EYS: variants seen among roughly 807,000 people sequenced by gnomAD.
EYS encodes EGF-like photoreceptor maintenance factor.
A neutral mutation model predicts 282.1 loss-of-function variants in EYS; 250 were observed. The observed-to-expected ratio is 0.89, with a 90% CI of 0.80 to 0.98. The LOEUF is 0.98. Among genes scored for constraint, EYS ranks in the 50% least tolerant of loss-of-function variants. The pLI is 0.00. For synonymous variants in EYS, 1,355 were observed against 1,282.9 expected, an observed-to-expected ratio of 1.06 and a Z score of -1.20; for missense variants, 4,016 against 3,709.0, an observed-to-expected ratio of 1.08 and a Z score of -2.15.
chr6:65,503,878 A>G lies in EYS; in HGVS notation c.-332-7885T>C, dbSNP rs528272533. On this transcript the variant is annotated intron_variant, in intron 2 of 42. Coordinates refer to ENST00000503581, the MANE Select transcript of EYS (RefSeq NM_001142800.2). ...ATTGTTGCTTAATGGTTAAGTGTTG[A>G]AATAAGGCAGAGTGTATTCTCCAAC... Among the ~76,000 whole-genome samples, 20 of 151,748 alleles carry G rather than the reference A, an allele frequency of 1.3e-4. No individual in the cohort carries two copies. The East Asian group carries it at 3.7e-3, about 28-fold the overall frequency.
chr6:65,063,179 AATT>A, intron 12 of EYS, among the ~76,000 whole-genome samples: 1 of 152,074 alleles, frequency 6.6e-6, no homozygotes, highest in Non-Finnish European at 1.5e-5. Flanking sequence ...AATTTTCTGA[AATT>A]ATATGTAAAT....
chr6:65,697,865 A>G (rs1582615736), intron 1 of EYS, among the ~76,000 whole-genome samples: 1 of 152,266 alleles, frequency 6.6e-6, no homozygotes, highest in African/African-American at 2.4e-5. Flanking sequence ...TATAAGACAC[A>G]AGAAGACATT....
intron 41 of EYS, among the ~76,000 whole-genome samples, chr6:63,759,339 G>C (rs1280356103): frequency 2.6e-5 from 4 of 152,034 alleles, no homozygotes. Flanking sequence ...AATGTCTAAG[G>C]TTAGAAATGG....
intron 26 of EYS, among the ~76,000 whole-genome samples, chr6:64,504,270 T>C (rs570638363): frequency 6.6e-6 from 1 of 152,232 alleles, no homozygotes; most frequent in Admixed American, 6.5e-5. Context: ...TTATAATTAT[T>C]CCCTCAAGTT....
chr6:65,348,434 T>A (rs1212954115), intron 9 of EYS, among the ~76,000 whole-genome samples: 1 of 151,740 alleles, frequency 6.6e-6, no homozygotes, highest in East Asian at 1.9e-4. Flanking sequence ...AGATGACATC[T>A]CATTTTAGTT....
chr6:64,478,247 T>A (rs74378220), intron 26 of EYS, among the ~76,000 whole-genome samples: 1 of 152,004 alleles, frequency 6.6e-6, no homozygotes, highest in Non-Finnish European at 1.5e-5. Context: ...ATGTTTTCAA[T>A]CATATTTACT....
At chr6:64,531,109 C>A (rs984978054) in intron 26 of EYS, among the ~76,000 whole-genome samples, 1 of 152,008 alleles carries the variant, frequency 6.6e-6, no homozygotes, top group Admixed American at 6.6e-5. Flanking sequence ...CAAGAGAAAC[C>A]AGAAATTGTT....
rs77385916 is a variant in EYS, at chr6:65,334,418, C to A, written c.1766+562G>T. On this transcript the variant is annotated intron_variant, in intron 11 of 42. Transcript: ENST00000503581. ...CTAGGGCTAGGAGTACAGGTGTGCA[C>A]AACCACACCTGGCTGATTTTTTTAA... is the stretch of plus-strand genomic sequence containing the variant. Among the ~76,000 whole-genome samples the A allele has an allele frequency of 8.2e-3, 1,240 of 151,630 alleles. 17 individuals are homozygous for A. Among genetic ancestry groups the A allele is most frequent in the African/African-American group, 0.029 (1,185 of 41,448 alleles).
chr6:65,600,924 A>G (rs1765596833), intron 2 of EYS, among the ~76,000 whole-genome samples: 1 of 151,950 alleles, frequency 6.6e-6, no homozygotes, highest in Admixed American at 6.6e-5. Context: ...AAAGAAAACA[A>G]TGATACTGGG....
chr6:64,989,450 C>A (rs1398199431), intron 14 of EYS, among the ~76,000 whole-genome samples: 1 of 76,898 alleles, frequency 1.3e-5, no homozygotes, highest in African/African-American at 8.3e-5. Flanking sequence ...AGGCTATTTA[C>A]TGGCTAGCTG....
chr6:64,012,518 T>C (rs552205746), intron 33 of EYS, among the ~76,000 whole-genome samples: 1 of 152,354 alleles, frequency 6.6e-6, no homozygotes, highest in East Asian at 1.9e-4. Flanking sequence ...GATAGCATTA[T>C]TGTTTTACCT....
intron 31 of EYS, among the ~76,000 whole-genome samples, chr6:64,154,464 A>AT (rs1318478083): frequency 2.7e-5 from 4 of 148,718 alleles, no homozygotes; most frequent in African/African-American, 1.0e-4. Context: ...AAAAAAAAAA[A>AT]TGCCTCACAG....
intron 12 of EYS, among the ~76,000 whole-genome samples, chr6:65,235,525 C>G (rs1012731962): frequency 6.6e-6 from 1 of 151,878 alleles, no homozygotes; most frequent in South Asian, 2.1e-4. Context: ...TTCATAATGC[C>G]AAGAGGTACA....
chr6:64,191,162 T>C (rs1281148190), intron 31 of EYS, among the ~76,000 whole-genome samples: 1 of 152,126 alleles, frequency 6.6e-6, no homozygotes, highest in Non-Finnish European at 1.5e-5. Context: ...TTCCACTTTC[T>C]TTATGGTGTT....
chr6:64,338,573 C>T (rs1460073553), intron 29 of EYS, among the ~76,000 whole-genome samples: 4 of 151,858 alleles, frequency 2.6e-5, no homozygotes, highest in Admixed American at 6.6e-5. Flanking sequence ...AGGCAATCTA[C>T]AAATTCAATG....
At chr6:64,508,637 T>C (rs1582834127) in intron 26 of EYS, among the ~76,000 whole-genome samples, 1 of 150,736 alleles carries the variant, frequency 6.6e-6, no homozygotes, top group South Asian at 2.1e-4. Context: ...CTTAGGCTTA[T>C]AGTGGTTTTC....
intron 2 of EYS, among the ~76,000 whole-genome samples, chr6:65,605,859 C>T (rs773417663): frequency 1.6e-4 from 24 of 151,576 alleles, no homozygotes; most frequent in Non-Finnish European, 3.0e-4. Flanking sequence ...AAAGAATAAA[C>T]GTCTGAAAAT....
intron 11 of EYS, chr6:65,329,374 G>T: frequency 1.1e-6 from 1 of 883,154 alleles, no homozygotes; most frequent in Non-Finnish European, 1.4e-6. Context: ...TTAAATGAAT[G>T]ATTTCTATAT....
chr6:64,670,970 T>A (rs926477550), intron 22 of EYS, among the ~76,000 whole-genome samples: 1 of 151,232 alleles, frequency 6.6e-6, no homozygotes, highest in Non-Finnish European at 1.5e-5. Context: ...CCATTTCTTC[T>A]CCCAATATTG....
Sources: allele counts gnomAD v4.1 joint callset (sites outside exome capture counted in the v4.1 genomes callset), GRCh38; gene constraint gnomAD v4.1.1; transcripts MANE v1.5; gene names NCBI Gene and HGNC (gene_info 2026-07-23, HGNC 2026-07-21).